The following EXOSC10 variants were observed in gnomAD, a reference collection of about 807,000 sequenced individuals.
EXOSC10 encodes the protein exosome complex component 10.
A neutral mutation model predicts 126.6 loss-of-function variants in EXOSC10; 94 were observed. The observed-to-expected ratio is 0.74, with a 90% confidence interval of 0.63 to 0.88. EXOSC10 has a LOEUF of 0.88. Ranked by LOEUF, EXOSC10 falls within the 40% of genes least tolerant of loss-of-function variation. The pLI is 0.00. For synonymous variants in EXOSC10, 395 were observed against 400.8 expected (o/e 0.99, Z 0.17); for missense variants, 1,041 against 1,100.5 (o/e 0.95, Z 0.77).
intron 13 of EXOSC10, 75 bp downstream of exon 13, chr1:11,080,424 C>A: frequency 2.5e-6 from 4 of 1,578,900 alleles, no homozygotes; most frequent in Non-Finnish European, 2.6e-6. Flanking sequence ...GTAATAGCAA[C>A]CAGAAAAGCT....
At chr1:11,066,797 G>T (rs1283890381) in intron 24 of EXOSC10, 49 bp from the exon 25 acceptor site, 13 of 1,598,814 alleles carry the variant, frequency 8.1e-6, no homozygotes, top group Non-Finnish European at 1.1e-5. Flanking sequence ...CTGGTTGGAT[G>T]TTCTCAGATG....
intron 2 of EXOSC10, among the ~76,000 whole-genome samples, chr1:11,097,222 A>C (rs373716215): frequency 3.0e-4 from 46 of 151,018 alleles, no homozygotes; most frequent in African/African-American, 7.5e-4. Flanking sequence ...CCCCCAACAA[A>C]AAAAAAAAAG....
Position 11,069,368 on chromosome 1 carries a change from T to C in EXOSC10, c.2488+191A>G, listed in dbSNP as rs138007334. ...GAGGCCACCATGAGTTGAGCTCCCATGGAGGAGGTGGTAATGAGGCTGCAG... is the reference window on the plus strand; with the variant it reads ...GAGGCCACCATGAGTTGAGCTCCCACGGAGGAGGTGGTAATGAGGCTGCAG... On this transcript the variant is annotated intron_variant, in intron 22 of 24. Coordinates refer to ENST00000376936, the MANE Select transcript of EXOSC10 (RefSeq NM_001001998.3). Among the ~76,000 whole-genome samples the C allele has an allele frequency of 2.6e-4, 40 of 152,234 alleles. 1 individual carries two copies. In the East Asian group the frequency reaches 7.5e-3, roughly 29 times the overall value.
chr1:11,083,602 T>A, intron 9 of EXOSC10, among the ~76,000 whole-genome samples: 1 of 148,094 alleles, frequency 6.8e-6, no homozygotes. Context: ...ATATGCAGGG[T>A]TTTTTTTAAG....
rs772055470 is a variant in EXOSC10 at position 11,087,778 on chromosome 1, C to T, written c.945+22G>A. ...CTCACAGAAAAATGTAAAAATTTTA[C>T]CCAGGGTCATTTATAAGATACCTCC... On this transcript the variant is annotated intron_variant, in intron 8 of 24. Transcript: ENST00000376936. 5.1e-6 allele frequency: 8 copies of T among 1,582,448 alleles called. No homozygotes were observed. The South Asian group carries it at 9.1e-5, about 18-fold the overall frequency.
chr1:11,073,255 C>T (rs1284541833), intron 19 of EXOSC10, among the ~76,000 whole-genome samples: 1 of 152,164 alleles, frequency 6.6e-6, no homozygotes, highest in East Asian at 1.9e-4. Context: ...GCCTCAGCCC[C>T]CCGAGTAGCT....
Position 11,073,616 on chromosome 1 carries a change from G to A in EXOSC10, c.2157+318C>T, listed in dbSNP as rs115028803. Among the ~76,000 whole-genome samples the A allele has an allele frequency of 5.7e-3, 862 of 152,056 alleles. 7 individuals carry two copies. The highest frequency in any genetic ancestry group is 0.019 in the African/African-American group (796 of 41,516). On this transcript the variant is annotated intron_variant, in intron 19 of 24. Transcript: ENST00000376936. Reference sequence around the variant, plus strand: ...TAGAAAGTCTCTTTTAGGGCCAGGCGCAGTAGCTCACGTCTGTAGTCCCAG... The same window carrying A: ...TAGAAAGTCTCTTTTAGGGCCAGGCACAGTAGCTCACGTCTGTAGTCCCAG...
rs70977543 is a variant in EXOSC10 at position 11,080,563 on chromosome 1, A to AACACACACACACACACAC, written c.1587-32_1587-15dup. ...GGCAGTACATATCTGGAAAAAAAAA[A>AACACACACACACACACAC]ACACACACACACACACACACACACA... On this transcript the variant is annotated splice_polypyrimidine_tract_variant and intron_variant, in intron 12 of 24. Transcript: ENST00000376936. 11 of 1,423,638 alleles carry AACACACACACACACACAC rather than the reference A, an allele frequency of 7.7e-6. No individual in the cohort carries two copies. In the African/African-American group the frequency reaches 1.7e-4, roughly 22 times the overall value. The allele number at this position is 1,423,638 out of a possible 1,614,324, so 88.2% of individuals were successfully genotyped here.
chr1:11,097,220 A>T (rs1258737478), intron 2 of EXOSC10, among the ~76,000 whole-genome samples: 1 of 141,958 alleles, frequency 7.0e-6, no homozygotes, highest in Non-Finnish European at 1.6e-5. Context: ...CCCCCCCAAC[A>T]AAAAAAAAAA....
intron 23 of EXOSC10, 52 bp from the exon 24 acceptor site, chr1:11,068,136 A>C: frequency 2.1e-6 from 3 of 1,409,716 alleles, no homozygotes; most frequent in Non-Finnish European, 3.0e-6. Flanking sequence ...ACCACAAGAT[A>C]CACAGAAAAA....
intron 2 of EXOSC10, among the ~76,000 whole-genome samples, chr1:11,096,155 TG>T (rs746570236): frequency 5.9e-5 from 9 of 152,106 alleles, no homozygotes; most frequent in African/African-American, 9.7e-5. Context: ...GGTTAATTTT[TG>T]TATTTTTAGT....
Position 11,073,967 on chromosome 1 carries a change from TGCCTGAGAGACGGGA to T in EXOSC10, c.2109_2123del (p.Pro704_Ala708del). ...TTTTGGTTGATGGATCGAACTTCGC[TGCCTGAGAGACGGGA>T]GCACGGTGTCCCAGTGAGGGCAGAA... is the stretch of plus-strand genomic sequence containing the variant. On this transcript the variant is annotated inframe_deletion, in exon 19 of 25. Transcript: ENST00000376936. 6.2e-7 allele frequency: 1 copy of T among 1,613,418 alleles called. No individual in the cohort carries two copies. Among genetic ancestry groups the T allele is most frequent in the Non-Finnish European group, 8.5e-7 (1 of 1,179,918 alleles).
At chr1:11,080,993 A>G (rs1640133004) in intron 11 of EXOSC10, 81 bp from the exon 12 acceptor site, 13 of 1,576,792 alleles carry the variant, frequency 8.2e-6, no homozygotes, top group South Asian at 1.2e-5. Flanking sequence ...GGCTCTTTTC[A>G]TGAATGTAAG....
In EXOSC10 at chr1:11,090,653, C is replaced by T; in HGVS notation, c.659G>A (p.Arg220Lys). 1 of 1,611,274 alleles carries T rather than the reference C, an allele frequency of 6.2e-7. No individual in the cohort carries two copies. The highest frequency in any genetic ancestry group is 1.3e-5 in the African/African-American group (1 of 74,918). Residue 220 changes from arginine (R) to lysine (K), a missense_variant, in exon 6 of 25, where the codon AGG becomes AAG. Arg to Lys is a conservative substitution (Grantham distance 26). This residue lies in a region of EXOSC10 where 645 missense variants were observed against 656.3 expected (regional missense o/e 0.98). Transcript: ENST00000376936. ...AGGACGATCCTGTGGGCGTTCCCGC[C>T]TTTCCTTAGAGAGAGCTGGGGATCC... ...KPLPQALSKE[R>K]RERPQDRPED...
At chr1:11,099,244 G>C (rs1165994383) in intron 1 of EXOSC10, among the ~76,000 whole-genome samples, 1 of 152,222 alleles carries the variant, frequency 6.6e-6, no homozygotes, top group Non-Finnish European at 1.5e-5. Context: ...ACGTGCAATG[G>C]GGCTTTAACA....
chr1:11,073,231 C>G (rs190766162), intron 19 of EXOSC10: 1 of 152,338 alleles, frequency 6.6e-6, no homozygotes, highest in African/African-American at 2.4e-5. Flanking sequence ...CCCCCAGGTT[C>G]AAGCGATTCT....
At chr1:11,089,222 T>TA (rs533212430) in intron 6 of EXOSC10, among the ~76,000 whole-genome samples, 6,616 of 49,762 alleles carry the variant, frequency 0.13, 315 homozygotes, top group East Asian at 0.25. Flanking sequence ...AGAGCAAAAC[T>TA]AAAAAAAAAA....
chr1:11,095,725 A>G lies in EXOSC10; in HGVS notation c.372+33T>C, dbSNP rs762258592. 1.7e-5 allele frequency: 28 copies of G among 1,608,318 alleles called. 1 individual carries two copies. The South Asian group carries it at 3.1e-4, about 18-fold the overall frequency. ...CGAGACTCCGTCTCAAAAACAAAAC[A>G]AAACAAAAAAAAGAGTAAGGGAAAA... is the stretch of plus-strand genomic sequence containing the variant. On this transcript the variant is annotated intron_variant, in intron 3 of 24. Transcript: ENST00000376936.
At chr1:11,085,811 T>C (rs1221621768) in intron 9 of EXOSC10, among the ~76,000 whole-genome samples, 3 of 151,780 alleles carry the variant, frequency 2.0e-5, no homozygotes, top group Admixed American at 6.6e-5. Context: ...ACCTAATTTA[T>C]TGAGAGTTTT....
Sources: gnomAD v4.1 joint callset for allele counts (sites outside exome capture counted in the v4.1 genomes callset) on GRCh38, gnomAD v4.1.1 for gene constraint, gnomAD v4.1.1 regional missense constraint, MANE v1.5 for transcripts, NCBI Gene and HGNC (gene_info 2026-07-23, HGNC 2026-07-21) for gene names.